Variants in SMG1 observed in about 807,000 individuals in gnomAD.
SMG1 encodes SMG1 nonsense mediated mRNA decay associated PI3K related kinase.
SMG1 carries 22 observed loss-of-function variants against 419.9 expected under a neutral mutation model. The ratio of observed to expected loss-of-function variants is 0.05; its 90% CI spans 0.04 to 0.07. SMG1 has a LOEUF of 0.07. Among genes scored for constraint, SMG1 ranks in the 10% least tolerant of loss-of-function variants. The pLI, the probability that SMG1 is intolerant of heterozygous loss-of-function variation, is 1.00. For missense variants in SMG1, 3,185 were observed against 4,342.0 expected (o/e 0.73, Z 7.49); for synonymous variants, 1,538 against 1,553.5 (o/e 0.99, Z 0.23).
chr16:18,864,291 G>C (rs2035378559), intron 23 of SMG1, 147 bp from the exon 24 acceptor site: 1 of 677,524 alleles, frequency 1.5e-6, no homozygotes, highest in Admixed American at 3.4e-5. Flanking sequence ...TGCCTCCTGG[G>C]TACAAGCGAT....
At chr16:18,835,848 A>T in intron 48 of SMG1, 85 bp downstream of exon 48, 1 of 1,364,196 alleles carries the variant, frequency 7.3e-7, no homozygotes, top group Non-Finnish European at 1.0e-6. Context: ...GCAGTGAGCC[A>T]AGATCATGCC....
chr16:18,819,400 C>T (rs1242149088), intron 56 of SMG1, 102 bp downstream of exon 56: 43 of 1,266,116 alleles, frequency 3.4e-5, no homozygotes, highest in Middle Eastern at 2.5e-4. Context: ...TGAGCCAGAA[C>T]GTGGGCTCTC....
rs897186485 is a variant in SMG1 at position 18,817,486 on chromosome 16, T to C, written c.9895-16A>G. The C allele has an allele frequency of 4.4e-5, 69 of 1,550,986 alleles. No individual in the cohort carries two copies. Among genetic ancestry groups the C allele is most frequent in the Non-Finnish European group, 5.8e-5 (67 of 1,145,520 alleles). ...GAAATGTGACCTGTAAAGACAGAAA[T>C]GGAACCACAAGAGGAGATGGGAGGA... On this transcript the variant is annotated splice_polypyrimidine_tract_variant and intron_variant, in intron 56 of 62. Coordinates refer to ENST00000446231, the MANE Select transcript of SMG1 (RefSeq NM_015092.5).
At position 18,810,627 on chromosome 16, in the gene SMG1, T is replaced by C. The variant is rs2031298266; in HGVS notation, c.10909-981A>G. Reference sequence around the variant, plus strand: ...TATACACAAAATGCATGATGATCCTTGACTAGATCTTGAAGGTCGGAGGAA... The same window carrying C: ...TATACACAAAATGCATGATGATCCTCGACTAGATCTTGAAGGTCGGAGGAA... On this transcript the variant is annotated intron_variant, in intron 62 of 62. Transcript: ENST00000446231. 1.3e-5 allele frequency among the ~76,000 whole-genome samples: 2 copies of C among 152,222 alleles called. 1 individual carries two copies. The highest frequency in any genetic ancestry group is 3.8e-4 in the East Asian group (2 of 5,204).
intron 42 of SMG1, 57 bp from the exon 43 acceptor site, chr16:18,838,746 A>G (rs2033734601): frequency 9.0e-7 from 1 of 1,112,032 alleles, no homozygotes; most frequent in Admixed American, 2.2e-5. Context: ...TTTCCCTCCA[A>G]CATGGACGTG....
intron 30 of SMG1, 77 bp downstream of exon 30, chr16:18,854,579 T>C (rs2034793380): frequency 5.9e-6 from 8 of 1,355,472 alleles, no homozygotes; most frequent in Non-Finnish European, 8.0e-6. Context: ...TACTACCTTA[T>C]ACCATACATA....
At chr16:18,820,602 A>T (rs1246435693) in intron 55 of SMG1, among the ~76,000 whole-genome samples, 1 of 152,198 alleles carries the variant, frequency 6.6e-6, no homozygotes, top group Non-Finnish European at 1.5e-5. Flanking sequence ...TTTCAGGTGG[A>T]CGCATTCACA....
intron 1 of SMG1, among the ~76,000 whole-genome samples, chr16:18,906,188 A>C (rs2037554269): frequency 1.4e-5 from 1 of 73,944 alleles, no homozygotes; most frequent in Non-Finnish European, 3.9e-5. Flanking sequence ...TTCACCAACA[A>C]AAAAAAAGGT....
At chr16:18,812,785 A>T (rs2141078505) in intron 60 of SMG1, among the ~76,000 whole-genome samples, 1 of 152,016 alleles carries the variant, frequency 6.6e-6, no homozygotes, top group South Asian at 2.1e-4. Flanking sequence ...CTCTTCATTT[A>T]CATTAGGTAT....
chr16:18,820,286 C>T (rs565274838), intron 55 of SMG1, among the ~76,000 whole-genome samples: 32 of 150,856 alleles, frequency 2.1e-4, no homozygotes, highest in African/African-American at 6.6e-4. Context: ...CACTGCAACC[C>T]CCGCCTCCTG....
chr16:18,853,968 C>T (rs1383570388), intron 30 of SMG1, 101 bp from the exon 31 acceptor site: 1 of 1,085,790 alleles, frequency 9.2e-7, no homozygotes, highest in African/African-American at 1.6e-5. Context: ...GATGACACCA[C>T]CATGTTGATG....
At chr16:18,818,304 GAACT>G (rs2032201112) in intron 56 of SMG1, among the ~76,000 whole-genome samples, 1 of 152,112 alleles carries the variant, frequency 6.6e-6, no homozygotes, top group Non-Finnish European at 1.5e-5. Context: ...AGAATCACTT[GAACT>G]CGGGAGGCAG....
Position 18,837,424 on chromosome 16 carries a change from C to G in SMG1, c.7433G>C (p.Arg2478Thr). ...GGGAAGCACAACCAGCATCTCATCTCTATTCTTAAACCAGTTCACCTGTAA... is the reference window on the plus strand; with the variant it reads ...GGGAAGCACAACCAGCATCTCATCTGTATTCTTAAACCAGTTCACCTGTAA... The part of the protein sequence containing the change: ...AEIKVNWFKN[R>T]DEMLVVLPKL... Residue 2478 changes from arginine to threonine, a missense_variant, in exon 46 of 63, where the codon AGA becomes ACA. This residue lies in a region of SMG1 where 412 missense variants were observed against 546.6 expected (regional missense o/e 0.75). Transcript: ENST00000446231. The G allele has an allele frequency of 6.2e-7, 1 of 1,613,638 alleles. No individual in the cohort carries two copies. The highest frequency in any genetic ancestry group is 8.5e-7 in the Non-Finnish European group (1 of 1,179,726).
At chr16:18,910,650 G>A (rs1348923140) in intron 1 of SMG1, among the ~76,000 whole-genome samples, 3 of 151,782 alleles carry the variant, frequency 2.0e-5, no homozygotes, top group Admixed American at 6.6e-5. Context: ...CACCATGCCC[G>A]GCCCAAAATC....
At position 18,868,580 on chromosome 16, in the gene SMG1, C is replaced by A. The variant is rs2035645363; in HGVS notation, c.2973G>T (p.Glu991Asp). The change falls in exon 21 of 63, where the codon GAG becomes GAT. Residue 991 changes from glutamate (E) to aspartate (D), a missense_variant. Coordinates refer to ENST00000446231, the MANE Select transcript of SMG1 (RefSeq NM_015092.5). ...VLLLQYLENL[E>D]KLMYNAYEGC... ...CCTCGTATGCATTATACATTAATTT[C>A]TCCAGATTTTCCAGATACTGCAGAA... 6.3e-7 allele frequency: 1 copy of A among 1,596,408 alleles called. No individual in the cohort carries two copies. The highest frequency in any genetic ancestry group is 8.5e-7 in the Non-Finnish European group (1 of 1,178,788).
chr16:18,829,332 C>A lies in SMG1; in HGVS notation c.9557G>T (p.Cys3186Phe). 2 of 1,613,932 alleles carry A rather than the reference C, an allele frequency of 1.2e-6. No homozygotes were observed. Among genetic ancestry groups the A allele is most frequent in the Non-Finnish European group, 1.7e-6 (2 of 1,179,848 alleles). The change falls in exon 54 of 63, where the codon TGT becomes TTT. Residue 3186 changes from cysteine to phenylalanine, a missense_variant. By Grantham distance (205) the Cys-to-Phe change is radical. Around this residue, in one of 27 missense-constraint regions of SMG1, gnomAD observed 737 missense variants for 846.6 expected, o/e 0.87. Coordinates refer to ENST00000446231, the MANE Select transcript of SMG1 (RefSeq NM_015092.5). Reference sequence around the variant, plus strand: ...CTGAACCCGCTGCAGGCTTGTCTTACAAGAAGAAATACTGGTTTCTAGCCT... The same window carrying A: ...CTGAACCCGCTGCAGGCTTGTCTTAAAAGAAGAAATACTGGTTTCTAGCCT... ...VRRLETSISS[C>F]KTSLQRVQLH...
rs1245370277 is a variant in SMG1 at position 18,834,974 on chromosome 16, T to C, written c.8248A>G (p.Lys2750Glu). ...DQLKEIERCIKVFLHENGEEG... is the reference protein window; with the variant it reads ...DQLKEIERCIEVFLHENGEEG... Reference sequence around the variant, plus strand: ...TCTCCATTCTCATGAAGGAAAACTTTAATGCAACGTTCAATTTCTTTCAAC... The same window carrying C: ...TCTCCATTCTCATGAAGGAAAACTTCAATGCAACGTTCAATTTCTTTCAAC... The change falls in exon 49 of 63, where the codon AAA (lysine) becomes GAA (glutamate). Residue 2750 changes from lysine to glutamate, a missense_variant. Physicochemically the swap from Lys to Glu is moderately conservative, Grantham distance 56. Coordinates refer to ENST00000446231, the MANE Select transcript of SMG1 (RefSeq NM_015092.5). The C allele has an allele frequency of 3.1e-6, 5 of 1,614,028 alleles. No homozygotes were observed. The highest frequency in any genetic ancestry group is 1.3e-5 in the African/African-American group (1 of 75,054).
intron 1 of SMG1, among the ~76,000 whole-genome samples, chr16:18,904,459 C>T (rs935888833): frequency 6.0e-5 from 9 of 150,364 alleles, no homozygotes; most frequent in Non-Finnish European, 1.3e-4. Context: ...ATGGTGAAAC[C>T]CCGTCTCTAC....
At chr16:18,812,154 T>A (rs1211565355) in intron 60 of SMG1, 27 bp from the exon 61 acceptor site, 1 of 1,599,550 alleles carries the variant, frequency 6.3e-7, no homozygotes. Flanking sequence ...GGTGGCTCAA[T>A]TTACATGTAA....
Sources: allele counts gnomAD v4.1 joint callset (sites outside exome capture counted in the v4.1 genomes callset), GRCh38; gene constraint gnomAD v4.1.1; regional missense constraint gnomAD v4.1.1; transcripts MANE v1.5; gene names NCBI Gene and HGNC (gene_info 2026-07-23, HGNC 2026-07-21).